The following POLRMT variants were observed in gnomAD, a reference collection of about 807,000 sequenced individuals.
POLRMT encodes RNA polymerase mitochondrial.
A neutral mutation model predicts 132.2 loss-of-function variants in POLRMT; 114 were observed. That is an observed-to-expected ratio of 0.86 (90% CI 0.74 to 1.01). POLRMT has a LOEUF of 1.01. POLRMT is among the 50% of genes least tolerant of loss of function. POLRMT has a pLI of 0.00. For missense variants in POLRMT, 2,003 were observed against 1,729.1 expected, an observed-to-expected ratio of 1.16 and a Z score of -2.81; for synonymous variants, 1,020 against 773.4, an observed-to-expected ratio of 1.32 and a Z score of -5.29.
chr19:621,369 C>T lies in POLRMT; in HGVS notation c.2329G>A (p.Ala777Thr). 3.2e-6 allele frequency: 5 copies of T among 1,559,812 alleles called. No individual in the cohort carries two copies. The highest frequency in any genetic ancestry group is 1.8e-5 in the Admixed American group (1 of 54,280). The change falls in exon 10 of 21, where the codon GCG becomes ACG. Residue 777 changes from alanine (A) to threonine (T), a missense_variant. Transcript: ENST00000588649. Reference protein sequence around the residue: ...KVAREMHSLRAEALYRLSLAQ... With the variant: ...KVAREMHSLRTEALYRLSLAQ... ...AGCGAGAGGCGGTACAGCGCCTCCG[C>T]CCGCAGGCTGTGCATCTCCCGGGCC...
rs887562445 is a variant in POLRMT, at chr19:625,908, G to A, written c.823-654C>T. On this transcript the variant is annotated intron_variant, in intron 3 of 20. Transcript: ENST00000588649. ...AGCAGATACGGGGTTTCACCATGCT[G>A]GCCAGGCTGGTCTCGAACTCCTGAC... Among the ~76,000 whole-genome samples, 5 of 152,014 alleles carry A rather than the reference G, an allele frequency of 3.3e-5. No homozygotes were observed. In the East Asian group the frequency reaches 9.7e-4, roughly 30 times the overall value.
chr19:624,782 G>C lies in POLRMT; in HGVS notation c.1077C>G (p.Ser359Arg). Residue 359 changes from serine (S) to arginine (R), a missense_variant, in exon 5 of 21, where the codon AGC becomes AGG. By Grantham distance (110) the Ser-to-Arg change is moderately radical (BLOSUM62 -1). Coordinates refer to ENST00000588649, the MANE Select transcript of POLRMT (RefSeq NM_005035.4). ...CCGGGGGCGGCAGCTGCGGCGGGAG[G>C]CTGAAGGTGGGCTTCACCTTGTGCA... ...KAVHKVKPTF[S>R]LPPQLPPPVN... 1 of 1,613,578 alleles carries C rather than the reference G, an allele frequency of 6.2e-7. No homozygotes were observed. The highest frequency in any genetic ancestry group is 8.5e-7 in the Non-Finnish European group (1 of 1,180,006).
At chr19:625,046 C>T (rs1227369211) in intron 4 of POLRMT, 78 bp downstream of exon 4, 2 of 1,532,436 alleles carry the variant, frequency 1.3e-6, no homozygotes, top group Middle Eastern at 2.0e-4. Flanking sequence ...CCCCAGCCCC[C>T]AGCCCAGGCA....
At position 628,634 on chromosome 19, in the gene POLRMT, G is replaced by GC. The variant is rs1555677190; in HGVS notation, c.822+905_822+906insG. 1.3e-3 allele frequency among the ~76,000 whole-genome samples: 192 copies of GC among 149,202 alleles called. 1 individual carries two copies. The highest frequency in any genetic ancestry group is 0.011 in the South Asian group (51 of 4,772). ...TCAAATTAGGGCTGAAGGATCATGG[G>GC]GGGGGAGAAAGCTGGGAACGTTTGC... is the stretch of plus-strand genomic sequence containing the variant. On this transcript the variant is annotated intron_variant, in intron 3 of 20. Coordinates refer to ENST00000588649, the MANE Select transcript of POLRMT (RefSeq NM_005035.4).
chr19:627,555 T>C (rs569686592), intron 3 of POLRMT, among the ~76,000 whole-genome samples: 17 of 152,200 alleles, frequency 1.1e-4, no homozygotes, highest in Admixed American at 8.5e-4. Context: ...CAGCTTCAAG[T>C]GTTCAGTAGC....
In POLRMT at chr19:632,921, A is replaced by G. The variant is rs534228677; in HGVS notation, c.106T>C (p.Cys36Arg). The change falls in exon 2 of 21, where the codon TGC (cysteine) becomes CGC (arginine). Residue 36 changes from cysteine to arginine, a missense_variant. Cys to Arg is a radical substitution (Grantham distance 180, BLOSUM62 -3). Coordinates refer to ENST00000588649, the MANE Select transcript of POLRMT (RefSeq NM_005035.4). Reference sequence around the variant, plus strand: ...GCGGACGAGCTCCTCCTGGGGCCGCAGACGCCACCGGCGGTCCCTGCGGGA... The same window carrying G: ...GCGGACGAGCTCCTCCTGGGGCCGCGGACGCCACCGGCGGTCCCTGCGGGA... ...PGKEGTAGGV[C>R]GPRRSSSASP... 1.2e-5 allele frequency: 18 copies of G among 1,523,840 alleles called. No individual in the cohort carries two copies. In the East Asian group the frequency reaches 3.6e-4, roughly 31 times the overall value. The allele number at this position is 1,523,840 out of a possible 1,614,324, so 94.4% of individuals were successfully genotyped here.
chr19:632,586 G>GA (rs1462767106), intron 2 of POLRMT, among the ~76,000 whole-genome samples: 1 of 151,988 alleles, frequency 6.6e-6, no homozygotes, highest in Non-Finnish European at 1.5e-5. Flanking sequence ...TATGTCCCTG[G>GA]AAAGTGGGAG....
At chr19:624,000 T>C (rs1167355548) in intron 5 of POLRMT, among the ~76,000 whole-genome samples, 1 of 152,220 alleles carries the variant, frequency 6.6e-6, no homozygotes, top group Non-Finnish European at 1.5e-5. Flanking sequence ...GCTTTGAGAA[T>C]CAAAGACGCA....
intron 13 of POLRMT, 99 bp downstream of exon 13, chr19:619,487 G>C (rs1984324617): frequency 6.7e-7 from 1 of 1,503,538 alleles, no homozygotes; most frequent in Non-Finnish European, 9.1e-7. Flanking sequence ...TGGGGGAGCA[G>C]CCAGGGCTCC....
In POLRMT at chr19:620,436, A is replaced by C. The variant is rs1375165439; in HGVS notation, c.2692T>G (p.Cys898Gly). 6.3e-6 allele frequency: 10 copies of C among 1,598,966 alleles called. No individual in the cohort carries two copies. The highest frequency in any genetic ancestry group is 7.7e-6 in the Non-Finnish European group (9 of 1,173,230). The stretch of plus-strand genomic sequence containing the variant: ...CGCACAGCGTTCGCCACCTCCATAC[A>C]GCAGGCCAGCGTCTGCCAGGGTTCC... ...AEEPWQTLAC[C>G]MEVANAVRAS... Residue 898 changes from cysteine (C) to glycine (G), a missense_variant, in exon 11 of 21, where the codon TGT becomes GGT. Coordinates refer to ENST00000588649, the MANE Select transcript of POLRMT (RefSeq NM_005035.4).
At chr19:621,008 A>AGGGCGCGGGGGCGCCGGGGGC in intron 10 of POLRMT, 50 bp downstream of exon 10, 1 of 811,302 alleles carries the variant, frequency 1.2e-6, no homozygotes, top group African/African-American at 8.6e-5. Flanking sequence ...GCGCCGGGGG[A>AGGGCGCGGGGGCGCCGGGGGC]GGGCGCGGGG....
In POLRMT at chr19:632,896, G is replaced by A. The variant is rs548670728; in HGVS notation, c.131C>T (p.Ala44Val). 22 of 1,543,118 alleles carry A rather than the reference G, an allele frequency of 1.4e-5. No individual in the cohort carries two copies. In the African/African-American group the frequency reaches 2.2e-4, roughly 16 times the overall value. ...GTCTTGGTCTTGCTCCTGGGGGCTGGCGGACGAGCTCCTCCTGGGGCCGCA... is the reference window on the plus strand; with the variant it reads ...GTCTTGGTCTTGCTCCTGGGGGCTGACGGACGAGCTCCTCCTGGGGCCGCA... The part of the protein sequence containing the change: ...GVCGPRRSSS[A>V]SPQEQDQDRR... Residue 44 changes from alanine (A) to valine (V), a missense_variant, in exon 2 of 21, where the codon GCC (alanine) becomes GTC (valine). Physicochemically the swap from Ala to Val is moderately conservative, Grantham distance 64 (BLOSUM62 0). Coordinates refer to ENST00000588649, the MANE Select transcript of POLRMT (RefSeq NM_005035.4).
Position 617,650 on chromosome 19 carries a change from G to C in POLRMT, c.3501C>G (p.Cys1167Trp). The C allele has an allele frequency of 6.2e-7, 1 of 1,612,388 alleles. No individual in the cohort carries two copies. Among genetic ancestry groups the C allele is most frequent in the Non-Finnish European group, 8.5e-7 (1 of 1,179,950 alleles). Reference sequence around the variant, plus strand: ...TGTGCAAGCGGACAAACTGCTCCCGGCACACCTGGGCAGGAGTCAGAGGAT... The same window carrying C: ...TGTGCAAGCGGACAAACTGCTCCCGCCACACCTGGGCAGGAGTCAGAGGAT... The part of the protein sequence containing the change: ...AADVSVMNQV[C>W]REQFVRLHSE... Residue 1167 changes from cysteine (C) to tryptophan (W), a missense_variant, in exon 19 of 21, where the codon TGC becomes TGG. Coordinates refer to ENST00000588649, the MANE Select transcript of POLRMT (RefSeq NM_005035.4).
At chr19:626,902 T>C (rs574124505) in intron 3 of POLRMT, among the ~76,000 whole-genome samples, 3,901 of 110,024 alleles carry the variant, frequency 0.035, 179 homozygotes, top group African/African-American at 0.13. Context: ...CACACACATA[T>C]ATATATATAT....
In POLRMT at chr19:632,988, G is replaced by A. The variant is rs1052050428; in HGVS notation, c.89-50C>T. Reference sequence around the variant, plus strand: ...AGCGGGGCCGGGCGTGTGGGCGGGGGCCTCCATAAAGGCAGAAGCCGAAGG... The same window carrying A: ...AGCGGGGCCGGGCGTGTGGGCGGGGACCTCCATAAAGGCAGAAGCCGAAGG... On this transcript the variant is annotated intron_variant, in intron 1 of 20. Coordinates refer to ENST00000588649, the MANE Select transcript of POLRMT (RefSeq NM_005035.4). 9 of 1,345,416 alleles carry A rather than the reference G, an allele frequency of 6.7e-6. No homozygotes were observed. In the East Asian group the frequency reaches 1.5e-4, roughly 22 times the overall value. 83.3% of individuals were successfully genotyped at this position (1,345,416 alleles called of 1,614,324 possible).
At chr19:619,843 GC>G in intron 12 of POLRMT, 78 bp from the exon 13 acceptor site, 1 of 1,554,946 alleles carries the variant, frequency 6.4e-7, no homozygotes, top group Non-Finnish European at 8.7e-7. Flanking sequence ...TGAAGCCCCC[GC>G]CCCAGCCCCA....
Position 622,253 on chromosome 19 carries a change from G to A in POLRMT, c.1747C>T (p.Leu583=). 6.4e-7 allele frequency: 1 copy of A among 1,561,942 alleles called. No homozygotes were observed. The highest frequency in any genetic ancestry group is 8.7e-7 in the Non-Finnish European group (1 of 1,154,704). The change falls in exon 9 of 21, where the codon CTG becomes TTG. Residue 583 remains leucine (L), a synonymous_variant. Coordinates refer to ENST00000588649, the MANE Select transcript of POLRMT (RefSeq NM_005035.4). ...CATGGCATCTGCGTAGCCTGCACCA[G>A]CATCTCCGCCAGCAGCTTGCCCAGC... ...MELGKLLAEM[L]VQATQMPCSL...
chr19:631,339 G>GGA (rs1555677888), intron 2 of POLRMT, among the ~76,000 whole-genome samples: 2 of 61,664 alleles, frequency 3.2e-5, no homozygotes, highest in Non-Finnish European at 6.3e-5. Flanking sequence ...AAAAAAAAAA[G>GGA]GGGGGGGGGG....
At chr19:622,418 G>A (rs1397739260) in intron 8 of POLRMT, 45 bp from the exon 9 acceptor site, 1 of 1,501,574 alleles carries the variant, frequency 6.7e-7, no homozygotes. Flanking sequence ...GGGCCCCTGA[G>A]CTAGATGCCC....
Sources: gnomAD v4.1 joint callset for allele counts (sites outside exome capture counted in the v4.1 genomes callset) on GRCh38, gnomAD v4.1.1 for gene constraint, MANE v1.5 for transcripts, NCBI Gene and HGNC (gene_info 2026-07-23, HGNC 2026-07-21) for gene names.